The following TAF2 variants were observed in gnomAD, a reference collection of about 807,000 sequenced individuals.
The protein encoded by TAF2 is transcription initiation factor TFIID subunit 2.
In TAF2, 61 loss-of-function variants were observed where a neutral mutation model predicts 138.5. The observed-to-expected ratio is 0.44, with a 90% CI of 0.36 to 0.54. TAF2 has a LOEUF of 0.54. Among genes scored for constraint, TAF2 ranks in the 20% least tolerant of loss-of-function variants. The pLI, the probability that TAF2 is intolerant of heterozygous loss-of-function variation, is 0.00. For synonymous variants in TAF2, 475 were observed against 469.9 expected (o/e 1.01, Z -0.14); for missense variants, 1,090 against 1,427.9 (o/e 0.76, Z 3.81).
intron 6 of TAF2, among the ~76,000 whole-genome samples, chr8:119,798,833 G>A (rs1824019720): frequency 6.6e-6 from 1 of 152,048 alleles, no homozygotes; most frequent in African/African-American, 2.4e-5. Context: ...AAGCATCTAT[G>A]TATTACTAAT....
chr8:119,759,590 ATTACATT>A (rs1156449830), intron 20 of TAF2, among the ~76,000 whole-genome samples: 3 of 152,108 alleles, frequency 2.0e-5, no homozygotes, highest in African/African-American at 7.2e-5. Context: ...TGAAATATGC[ATTACATT>A]TTACAACCAG....
chr8:119,821,514 T>C (rs1245326996), intron 2 of TAF2, among the ~76,000 whole-genome samples: 1 of 152,246 alleles, frequency 6.6e-6, no homozygotes, highest in Non-Finnish European at 1.5e-5. Context: ...GGCATTCTCC[T>C]AGTTTCCACG....
At chr8:119,801,671 G>A (rs763457643) in intron 6 of TAF2, 123 bp downstream of exon 6, 192 of 863,092 alleles carry the variant, frequency 2.2e-4, no homozygotes, top group Admixed American at 1.9e-4. Context: ...CCTGTGATCC[G>A]CCCACCTTGG....
intron 17 of TAF2, 118 bp downstream of exon 17, chr8:119,780,935 A>C (rs1434834881): frequency 2.0e-4 from 29 of 147,326 alleles, no homozygotes; most frequent in Non-Finnish European, 3.4e-4. Flanking sequence ...ACTCTGTCTC[A>C]AAAAAAAAAA....
chr8:119,772,061 A>C (rs1015177546), intron 18 of TAF2, among the ~76,000 whole-genome samples: 5 of 152,232 alleles, frequency 3.3e-5, no homozygotes, highest in African/African-American at 1.2e-4. Context: ...GAGCAAATGG[A>C]AACTGAACAA....
chr8:119,779,440 C>G (rs1822490778), intron 17 of TAF2, among the ~76,000 whole-genome samples: 1 of 152,164 alleles, frequency 6.6e-6, no homozygotes, highest in South Asian at 2.1e-4. Context: ...ATTTGAAACA[C>G]TGACCTAAGC....
At chr8:119,804,571 T>C (rs1231805208) in intron 4 of TAF2, among the ~76,000 whole-genome samples, 1 of 152,146 alleles carries the variant, frequency 6.6e-6, no homozygotes, top group Non-Finnish European at 1.5e-5. Flanking sequence ...GCACAAGCTC[T>C]CTCTCTCTCT....
chr8:119,745,206 G>C (rs948787549), intron 23 of TAF2, among the ~76,000 whole-genome samples: 1 of 151,670 alleles, frequency 6.6e-6, no homozygotes, highest in African/African-American at 2.4e-5. Flanking sequence ...TGGTCTTTTT[G>C]GGGGGAGAAG....
chr8:119,816,223 TG>T (rs1339130925), intron 3 of TAF2, among the ~76,000 whole-genome samples: 5 of 151,776 alleles, frequency 3.3e-5, no homozygotes, highest in African/African-American at 1.2e-4. Flanking sequence ...GCTAATTTTT[TG>T]TATTTTTTTT....
intron 2 of TAF2, among the ~76,000 whole-genome samples, chr8:119,829,909 G>C (rs1170553764): frequency 6.7e-6 from 1 of 149,168 alleles, no homozygotes; most frequent in African/African-American, 2.5e-5. Flanking sequence ...GCCCAGGCTG[G>C]AGTGCAGTGG....
At position 119,797,064 on chromosome 8, in the gene TAF2, T is replaced by C; in HGVS notation, c.1017A>G (p.Thr339=). The change falls in exon 8 of 26, where the codon ACA becomes ACG. Residue 339 remains threonine (T), a synonymous_variant. Transcript: ENST00000378164. The part of the protein sequence containing the change: ...LLHSAMIIDE[T]PLTRRCLAQS... ...GGGCTAAACACCTTCTAGTCAAAGG[T>C]GTCTCATCTATAATCATGGCACTGT... The C allele has an allele frequency of 6.2e-7, 1 of 1,613,318 alleles. No homozygotes were observed.
intron 17 of TAF2, among the ~76,000 whole-genome samples, chr8:119,779,983 C>T (rs1027268116): frequency 2.0e-5 from 3 of 152,120 alleles, no homozygotes; most frequent in African/African-American, 7.2e-5. Context: ...TTCCCCTGTA[C>T]AAAACAAACC....
chr8:119,827,300 T>C (rs961093675), intron 2 of TAF2, among the ~76,000 whole-genome samples: 4 of 152,244 alleles, frequency 2.6e-5, no homozygotes, highest in South Asian at 2.1e-4. Flanking sequence ...ATACTCTAAG[T>C]GAGCTTTTCC....
At chr8:119,763,012 C>A (rs1342561536) in intron 18 of TAF2, 1 of 161,702 alleles carries the variant, frequency 6.2e-6, no homozygotes. Context: ...TTATACTCAG[C>A]AAATCAGATG....
chr8:119,749,013 T>C (rs1269022499), intron 22 of TAF2, among the ~76,000 whole-genome samples: 27 of 152,188 alleles, frequency 1.8e-4, no homozygotes. Context: ...GCCATGATTA[T>C]GTGTGCTACA....
chr8:119,795,345 G>A (rs1258121037), intron 9 of TAF2, among the ~76,000 whole-genome samples, 187 bp downstream of exon 9: 1 of 152,092 alleles, frequency 6.6e-6, no homozygotes, highest in Admixed American at 6.5e-5. Flanking sequence ...GGAAAAAAAG[G>A]TTTTTAGGGG....
At chr8:119,769,330 G>A (rs1044659155) in intron 18 of TAF2, among the ~76,000 whole-genome samples, 14 of 152,198 alleles carry the variant, frequency 9.2e-5, no homozygotes, top group South Asian at 2.1e-4. Context: ...CCATCCAAAC[G>A]AAAGTAAATT....
At chr8:119,773,671 TAAGCTCC>T (rs1822005484) in intron 18 of TAF2, among the ~76,000 whole-genome samples, 1 of 151,436 alleles carries the variant, frequency 6.6e-6, no homozygotes, top group Non-Finnish European at 1.5e-5. Context: ...TCAAATTCAA[TAAGCTCC>T]CTCTCTATAT....
intron 3 of TAF2, among the ~76,000 whole-genome samples, chr8:119,811,364 TTTATAGAAGTAAACTTTTATGGAA>T: frequency 6.6e-6 from 1 of 152,304 alleles, no homozygotes; most frequent in Admixed American, 6.5e-5. Flanking sequence ...TAAAAAATTT[TTTATAGAAGTAAACTTTTATGGAA>T]GTAAACTTTT....
Sources: gnomAD v4.1 joint callset for allele counts (sites outside exome capture counted in the v4.1 genomes callset) on GRCh38, gnomAD v4.1.1 for gene constraint, MANE v1.5 for transcripts, NCBI Gene and HGNC (gene_info 2026-07-23, HGNC 2026-07-21) for gene names.